ASXL3: variants seen among roughly 807,000 people sequenced by gnomAD.
ASXL3 encodes putative Polycomb group protein ASXL3.
A neutral mutation model predicts 170.6 loss-of-function variants in ASXL3; 34 were observed. The observed-to-expected ratio is 0.20, with a 90% CI of 0.15 to 0.27. The LOEUF (loss-of-function observed/expected upper bound fraction) is 0.27, where lower values mean the gene tolerates loss of function less well. Among genes scored for constraint, ASXL3 ranks in the 10% least tolerant of loss-of-function variants. The pLI, the probability that ASXL3 is intolerant of heterozygous loss-of-function variation, is 1.00. For synonymous variants in ASXL3, 1,002 were observed against 989.1 expected (o/e 1.01, Z -0.24); for missense variants, 2,592 against 2,695.3 (o/e 0.96, Z 0.85).
At chr18:33,650,046 C>T (rs2065973890) in intron 4 of ASXL3, among the ~76,000 whole-genome samples, 1 of 151,988 alleles carries the variant, frequency 6.6e-6, no homozygotes, top group South Asian at 2.1e-4. Context: ...ACTGGGTCCA[C>T]CTGGAAAAAA....
At chr18:33,613,212 A>G (rs2065364649) in intron 2 of ASXL3, among the ~76,000 whole-genome samples, 1 of 152,022 alleles carries the variant, frequency 6.6e-6, no homozygotes, top group African/African-American at 2.4e-5. Flanking sequence ...TCATGGCCAG[A>G]TGGTTCTGGG....
intron 1 of ASXL3, chr18:33,579,017 C>A (rs973940153): frequency 6.0e-6 from 1 of 167,940 alleles, no homozygotes; most frequent in Non-Finnish European, 1.3e-5. Context: ...CCCTCTCTGC[C>A]GCTCCGGAGA....
chr18:33,703,940 C>A (rs1270439864), intron 8 of ASXL3, among the ~76,000 whole-genome samples: 1 of 152,144 alleles, frequency 6.6e-6, no homozygotes, highest in African/African-American at 2.4e-5. Context: ...GCTTCCCACA[C>A]CACCATTCTG....
chr18:33,740,567 C>A, intron 11 of ASXL3, 124 bp downstream of exon 11: 1 of 942,754 alleles, frequency 1.1e-6, no homozygotes, highest in Non-Finnish European at 1.5e-6. Flanking sequence ...ATAATCTAAT[C>A]CTCTAATAGT....
At chr18:33,740,943 A>G (rs2067652128) in intron 11 of ASXL3, among the ~76,000 whole-genome samples, 1 of 152,216 alleles carries the variant, frequency 6.6e-6, no homozygotes, top group Admixed American at 6.5e-5. Context: ...GCATTGGTCT[A>G]GAATTATAAA....
chr18:33,649,922 G>T (rs2065971757), intron 4 of ASXL3, among the ~76,000 whole-genome samples: 2 of 152,036 alleles, frequency 1.3e-5, no homozygotes, highest in African/African-American at 4.8e-5. Flanking sequence ...CTAGGTTTCA[G>T]GCTATCAAGA....
At chr18:33,586,621 G>T (rs191461100) in intron 1 of ASXL3, among the ~76,000 whole-genome samples, 108 of 151,850 alleles carry the variant, frequency 7.1e-4, no homozygotes, top group African/African-American at 2.6e-3. Context: ...TTTAGTGTTG[G>T]TGTATTTCAG....
chr18:33,717,188 A>C (rs2067178300), intron 8 of ASXL3, among the ~76,000 whole-genome samples: 2 of 152,150 alleles, frequency 1.3e-5, no homozygotes, highest in South Asian at 4.1e-4. Context: ...CAGTAGAATA[A>C]TAGTGACAGT....
chr18:33,646,886 G>GT (rs539087846), intron 4 of ASXL3, among the ~76,000 whole-genome samples: 5 of 146,912 alleles, frequency 3.4e-5, no homozygotes, highest in South Asian at 2.2e-4. Flanking sequence ...GGAGCGGGGG[G>GT]GGGGGGCATT....
chr18:33,689,118 C>T (rs183315218), intron 8 of ASXL3, among the ~76,000 whole-genome samples: 1 of 152,110 alleles, frequency 6.6e-6, no homozygotes, highest in African/African-American at 2.4e-5. Flanking sequence ...CTCAGCCTCC[C>T]GAGTAGCTAG....
intron 1 of ASXL3, among the ~76,000 whole-genome samples, chr18:33,583,035 A>G (rs964984805): frequency 1.1e-4 from 17 of 152,216 alleles, no homozygotes; most frequent in African/African-American, 3.6e-4. Context: ...TAGGATTTCT[A>G]TAAAATAAAG....
intron 2 of ASXL3, among the ~76,000 whole-genome samples, chr18:33,639,856 G>T (rs1434206322): frequency 6.6e-6 from 1 of 152,082 alleles, no homozygotes; most frequent in Non-Finnish European, 1.5e-5. Context: ...GGAGTTCGAA[G>T]TTCTTTCTCT....
At chr18:33,682,850 C>A (rs914469218) in intron 7 of ASXL3, among the ~76,000 whole-genome samples, 1 of 152,162 alleles carries the variant, frequency 6.6e-6, no homozygotes, top group Non-Finnish European at 1.5e-5. Flanking sequence ...CTGTGCCGAA[C>A]CTAAGGTTTT....
At position 33,598,821 on chromosome 18, in the gene ASXL3, C is replaced by T. The variant is rs1203700573; in HGVS notation, c.55-8773C>T. ...TAACCATGGGGATAATCATGGAGAACAGGAGAGCAGTTGTCCAAAGGCCTG... is the reference window on the plus strand; with the variant it reads ...TAACCATGGGGATAATCATGGAGAATAGGAGAGCAGTTGTCCAAAGGCCTG... On this transcript the variant is annotated intron_variant, in intron 1 of 11. Coordinates refer to ENST00000269197, the MANE Select transcript of ASXL3 (RefSeq NM_030632.3). 5.9e-5 allele frequency among the ~76,000 whole-genome samples: 9 copies of T among 152,244 alleles called. No homozygotes were observed. In the East Asian group the frequency reaches 9.7e-4, roughly 16 times the overall value.
chr18:33,699,516 T>C (rs912441037), intron 8 of ASXL3, among the ~76,000 whole-genome samples: 5 of 152,062 alleles, frequency 3.3e-5, no homozygotes, highest in Admixed American at 3.3e-4. Flanking sequence ...AAGATGATGA[T>C]TGAGAGTTTA....
intron 4 of ASXL3, among the ~76,000 whole-genome samples, chr18:33,647,668 T>G (rs1568302950): frequency 6.6e-6 from 1 of 152,098 alleles, no homozygotes; most frequent in Non-Finnish European, 1.5e-5. Flanking sequence ...TCATGTGCTC[T>G]CTCAACATAT....
In ASXL3 at chr18:33,622,097, T is replaced by G. The variant is rs576032814; in HGVS notation, c.137+14421T>G. Among the ~76,000 whole-genome samples the G allele has an allele frequency of 4.6e-5, 7 of 152,318 alleles. No homozygotes were observed. The South Asian group carries it at 1.4e-3, about 32-fold the overall frequency. On this transcript the variant is annotated intron_variant, in intron 2 of 11. Transcript: ENST00000269197. ...AAGTTTTCATTTACCGATTATTTTT[T>G]CTGGCATTAGTAACATTTAAATTTT...
chr18:33,691,737 TTGTC>T (rs934433612), intron 8 of ASXL3, among the ~76,000 whole-genome samples: 2 of 152,136 alleles, frequency 1.3e-5, no homozygotes, highest in Non-Finnish European at 2.9e-5. Flanking sequence ...GATAATTACA[TTGTC>T]TGTAAGATTT....
At chr18:33,591,711 G>A (rs1323245817) in intron 1 of ASXL3, among the ~76,000 whole-genome samples, 5 of 150,524 alleles carry the variant, frequency 3.3e-5, no homozygotes, top group African/African-American at 7.3e-5. Flanking sequence ...GCGCGATCTC[G>A]GCTCACTGCA....
Sources: allele counts gnomAD v4.1 joint callset (sites outside exome capture counted in the v4.1 genomes callset), GRCh38; gene constraint gnomAD v4.1.1; transcripts MANE v1.5; gene names NCBI Gene and HGNC (gene_info 2026-07-23, HGNC 2026-07-21).